KCNU1: variants seen among roughly 807,000 people sequenced by gnomAD.
The protein encoded by KCNU1 is potassium channel subfamily U member 1.
In KCNU1, 93 loss-of-function variants were observed where a neutral mutation model predicts 126.8. The ratio of observed to expected loss-of-function variants is 0.73; its 90% confidence interval spans 0.62 to 0.87. KCNU1 has a LOEUF of 0.87. Among genes scored for constraint, KCNU1 ranks in the 40% least tolerant of loss-of-function variants. The pLI is 0.00. For missense variants in KCNU1, 1,330 were observed against 1,367.1 expected, an observed-to-expected ratio of 0.97 and a Z score of 0.43; for synonymous variants, 523 against 494.2, an observed-to-expected ratio of 1.06 and a Z score of -0.77.
chr8:36,851,359 G>T (rs931446584), intron 18 of KCNU1, among the ~76,000 whole-genome samples: 10 of 149,064 alleles, frequency 6.7e-5, no homozygotes, highest in Admixed American at 4.8e-4. Context: ...ATGGTTTAAA[G>T]TGTGGCACTT....
intron 24 of KCNU1, among the ~76,000 whole-genome samples, chr8:36,923,709 T>TAAGG (rs1808443342): frequency 6.6e-6 from 1 of 152,218 alleles, no homozygotes; most frequent in African/African-American, 2.4e-5. Flanking sequence ...GGGTCATCCT[T>TAAGG]ACTGCTGGGT....
At chr8:36,888,020 A>AT (rs1327928726) in intron 19 of KCNU1, among the ~76,000 whole-genome samples, 2 of 151,846 alleles carry the variant, frequency 1.3e-5, no homozygotes, top group Non-Finnish European at 2.9e-5. Flanking sequence ...GTTTTTAAAG[A>AT]TTTTTCTGGG....
intron 10 of KCNU1, among the ~76,000 whole-genome samples, chr8:36,825,438 A>C (rs766664481): frequency 6.6e-6 from 1 of 152,210 alleles, no homozygotes; most frequent in Non-Finnish European, 1.5e-5. Flanking sequence ...AAGTTTTATG[A>C]CAAATTTCAT....
Position 36,893,342 on chromosome 8 carries a change from G to A in KCNU1, c.2010-12366G>A, listed in dbSNP as rs533042285. Among the ~76,000 whole-genome samples the A allele has an allele frequency of 1.0e-4, 15 of 146,892 alleles. No homozygotes were observed. The South Asian group carries it at 1.9e-3, about 19-fold the overall frequency. ...TTTTATGGGTCTTTTTTTTTTTTGC[G>A]ACATTGTTAACTATAACTCAGATAT... On this transcript the variant is annotated intron_variant, in intron 19 of 26. Coordinates refer to ENST00000399881, the MANE Select transcript of KCNU1 (RefSeq NM_001031836.3).
At chr8:36,802,777 A>T (rs975784157) in intron 2 of KCNU1, among the ~76,000 whole-genome samples, 3 of 152,012 alleles carry the variant, frequency 2.0e-5, no homozygotes, top group Admixed American at 2.0e-4. Flanking sequence ...AAAGTATTTC[A>T]CTTCTAACAT....
intron 18 of KCNU1, among the ~76,000 whole-genome samples, chr8:36,857,081 T>A (rs891306823): frequency 1.3e-5 from 2 of 152,110 alleles, no homozygotes; most frequent in African/African-American, 4.8e-5. Flanking sequence ...GGATGGTGGG[T>A]GGTGTTGGAA....
chr8:36,826,718 T>TA lies in KCNU1; in HGVS notation c.1107-6829dup, dbSNP rs201168330. Among the ~76,000 whole-genome samples, 1,165 of 152,044 alleles carry TA rather than the reference T, an allele frequency of 7.7e-3. 4 individuals are homozygous for TA. The highest frequency in any genetic ancestry group is 0.013 in the Non-Finnish European group (887 of 67,970). ...AGAATTTACATTTGATTCTTTTTTT[T>TA]AAAAAAAGTAACTTTTATTTTCATT... On this transcript the variant is annotated intron_variant, in intron 10 of 26. Transcript: ENST00000399881.
intron 2 of KCNU1, among the ~76,000 whole-genome samples, chr8:36,799,447 C>CT (rs1159308786): frequency 6.9e-6 from 1 of 144,638 alleles, no homozygotes; most frequent in East Asian, 2.0e-4. Context: ...TTTAGCTATT[C>CT]TTTTTTTGGG....
chr8:36,805,200 T>TA lies in KCNU1; in HGVS notation c.383_384insA (p.Gly129TrpfsTer7). On this transcript the variant is annotated frameshift_variant, in exon 4 of 27. Transcript: ENST00000399881. LOFTEE classifies it high-confidence loss of function. ...TGTCCTTCTTTCTTTTCCAGCCCTG[T>TA]TGGAAGCTGTTCATCATATGAAGAC... The TA allele has an allele frequency of 6.2e-7, 1 of 1,607,702 alleles. No homozygotes were observed. The highest frequency in any genetic ancestry group is 8.5e-7 in the Non-Finnish European group (1 of 1,175,538).
Position 36,817,673 on chromosome 8 carries a change from T to C in KCNU1, c.1019T>C (p.Ile340Thr). Residue 340 changes from isoleucine (I) to threonine (T), a missense_variant, in exon 10 of 27, where the codon ATC (isoleucine) becomes ACC (threonine). Transcript: ENST00000399881. Reference sequence around the variant, plus strand: ...AGGTTTATTGTGGTCTGTGGAAACATCACTGTGGACAGTGTGACCGCTTTC... The same window carrying C: ...AGGTTTATTGTGGTCTGTGGAAACACCACTGTGGACAGTGTGACCGCTTTC... ...GKKFIVVCGN[I>T]TVDSVTAFLR... The C allele has an allele frequency of 6.2e-7, 1 of 1,611,202 alleles. No homozygotes were observed. Among genetic ancestry groups the C allele is most frequent in the Non-Finnish European group, 8.5e-7 (1 of 1,177,454 alleles).
chr8:36,924,146 T>C (rs1399847914), intron 24 of KCNU1, among the ~76,000 whole-genome samples: 1 of 152,176 alleles, frequency 6.6e-6, no homozygotes, highest in Non-Finnish European at 1.5e-5. Context: ...TGTGTAGCCA[T>C]TTGTGAATGA....
intron 1 of KCNU1, among the ~76,000 whole-genome samples, 183 bp downstream of exon 1, chr8:36,784,788 A>T (rs1335982132): frequency 6.6e-6 from 1 of 152,180 alleles, no homozygotes; most frequent in African/African-American, 2.4e-5. Flanking sequence ...GCCTGAAGAG[A>T]CAGGGCCAAG....
At chr8:36,879,379 G>T (rs1806394466) in intron 19 of KCNU1, among the ~76,000 whole-genome samples, 1 of 151,558 alleles carries the variant, frequency 6.6e-6, no homozygotes, top group African/African-American at 2.4e-5. Context: ...CACACTTGTG[G>T]TATAAATCTA....
At chr8:36,874,552 G>A (rs1806213023) in intron 19 of KCNU1, among the ~76,000 whole-genome samples, 1 of 152,130 alleles carries the variant, frequency 6.6e-6, no homozygotes, top group African/African-American at 2.4e-5. Flanking sequence ...TCCCTGGGCA[G>A]GAGGTCTTGG....
chr8:36,887,618 A>T (rs77710992), intron 19 of KCNU1, among the ~76,000 whole-genome samples: 3,406 of 152,166 alleles, frequency 0.022, 132 homozygotes, highest in African/African-American at 0.077. Flanking sequence ...GAAAGTGCTG[A>T]AATCAGTCTC....
chr8:36,834,129 A>G (rs1160531569), intron 11 of KCNU1, among the ~76,000 whole-genome samples: 2 of 152,230 alleles, frequency 1.3e-5, no homozygotes, highest in African/African-American at 4.8e-5. Context: ...GTGACGCAAA[A>G]TAATGAGCAA....
chr8:36,865,725 G>A (rs912981086), intron 19 of KCNU1, among the ~76,000 whole-genome samples: 2 of 136,088 alleles, frequency 1.5e-5, no homozygotes, highest in Non-Finnish European at 3.1e-5. Context: ...ACAGTGAGTT[G>A]TGTTCATACC....
intron 5 of KCNU1, among the ~76,000 whole-genome samples, chr8:36,806,815 CATTATGTAGCTTTT>C (rs1163627455): frequency 6.6e-6 from 1 of 152,162 alleles, no homozygotes; most frequent in African/African-American, 2.4e-5. Context: ...AGTGCATGGA[CATTATGTAGCTTTT>C]ATCAGTTTCG....
Position 36,909,542 on chromosome 8 carries a change from A to G in KCNU1, c.2331+7A>G, listed in dbSNP as rs1563330309. ...CCAGATATACATTCTGCCTGTAAGT[A>G]TCATATAAGGAAAAGTTAATATTTA... On this transcript the variant is annotated splice_region_variant and intron_variant, in intron 21 of 26. Transcript: ENST00000399881. 6.9e-7 allele frequency: 1 copy of G among 1,459,702 alleles called. No homozygotes were observed. Among genetic ancestry groups the G allele is most frequent in the East Asian group, 2.3e-5 (1 of 44,130 alleles). The allele number at this position is 1,459,702 out of a possible 1,614,324, so 90.4% of individuals were successfully genotyped here. A position where few individuals can be genotyped will look rare whatever the true frequency, so the allele number is the denominator to read the frequency against.
Sources: allele counts gnomAD v4.1 joint callset (sites outside exome capture counted in the v4.1 genomes callset), GRCh38; gene constraint gnomAD v4.1.1; transcripts MANE v1.5; gene names NCBI Gene and HGNC (gene_info 2026-07-23, HGNC 2026-07-21).